CSMD1: variants seen among roughly 807,000 people sequenced by gnomAD.
The protein encoded by CSMD1 is CUB and sushi domain-containing protein 1.
In CSMD1, 213 loss-of-function variants were observed where a neutral mutation model predicts 417.5. The observed-to-expected ratio is 0.51, with a 90% CI of 0.46 to 0.57. The LOEUF is 0.57. CSMD1 is among the 20% of genes least tolerant of loss of function. CSMD1 has a pLI of 0.00. For synonymous variants in CSMD1, 2,862 were observed against 1,736.8 expected (o/e 1.65, Z -16.11); for missense variants, 6,923 against 4,529.7 (o/e 1.53, Z -15.17).
chr8:3,333,441 G>A (rs1354435163), intron 23 of CSMD1, among the ~76,000 whole-genome samples: 1 of 152,142 alleles, frequency 6.6e-6, no homozygotes, highest in Non-Finnish European at 1.5e-5. Flanking sequence ...ACTGCTTATT[G>A]GATATTTTCC....
At chr8:3,822,032 ATGCGG>A (rs1231419250) in intron 5 of CSMD1, among the ~76,000 whole-genome samples, 5 of 152,110 alleles carry the variant, frequency 3.3e-5, no homozygotes, top group Non-Finnish European at 7.4e-5. Flanking sequence ...TCAGAACACC[ATGCGG>A]TCTGACATCT....
intron 2 of CSMD1, among the ~76,000 whole-genome samples, chr8:4,615,583 C>T (rs1279574835): frequency 6.6e-6 from 1 of 152,098 alleles, no homozygotes; most frequent in Non-Finnish European, 1.5e-5. Flanking sequence ...TGAGGATAAA[C>T]ACTTCATTCA....
chr8:4,150,655 G>C (rs1249628892), intron 3 of CSMD1, among the ~76,000 whole-genome samples: 1 of 152,160 alleles, frequency 6.6e-6, no homozygotes, highest in Non-Finnish European at 1.5e-5. Context: ...TTTTCCAAAT[G>C]GTTAGGGTGC....
At chr8:3,203,067 C>A (rs925867253) in intron 31 of CSMD1, among the ~76,000 whole-genome samples, 7 of 152,128 alleles carry the variant, frequency 4.6e-5, no homozygotes, top group Non-Finnish European at 8.8e-5. Context: ...AAAAGTGAAT[C>A]ATCCACAGAT....
intron 52 of CSMD1, among the ~76,000 whole-genome samples, chr8:3,016,376 C>A (rs1203370553): frequency 1.3e-5 from 2 of 152,208 alleles, no homozygotes; most frequent in Non-Finnish European, 2.9e-5. Context: ...CTATTTTCCT[C>A]TGAGTCTCAC....
At chr8:4,139,982 G>C (rs1369076196) in intron 3 of CSMD1, among the ~76,000 whole-genome samples, 1 of 150,658 alleles carries the variant, frequency 6.6e-6, no homozygotes, top group Non-Finnish European at 1.5e-5. Flanking sequence ...ATGTGGGCAG[G>C]GGTTGCAGGT....
At chr8:3,347,388 C>T (rs947814574) in intron 22 of CSMD1, among the ~76,000 whole-genome samples, 12 of 152,154 alleles carry the variant, frequency 7.9e-5, no homozygotes, top group Non-Finnish European at 1.2e-4. Context: ...TGTCAATCAA[C>T]GCAGGACCTG....
chr8:4,629,407 G>T (rs980940307), intron 2 of CSMD1, among the ~76,000 whole-genome samples: 1 of 152,060 alleles, frequency 6.6e-6, no homozygotes, highest in Admixed American at 6.6e-5. Flanking sequence ...ATACTTACTG[G>T]CACAAATGTA....
intron 10 of CSMD1, among the ~76,000 whole-genome samples, chr8:3,507,348 G>A (rs535112128): frequency 1.7e-4 from 26 of 152,148 alleles, no homozygotes; most frequent in African/African-American, 6.0e-4. Flanking sequence ...CATTTTTTAT[G>A]GCAGCACAGT....
chr8:4,310,935 AT>A (rs1305787977), intron 3 of CSMD1, among the ~76,000 whole-genome samples: 1 of 152,206 alleles, frequency 6.6e-6, no homozygotes, highest in Non-Finnish European at 1.5e-5. Context: ...AGAAATGCAA[AT>A]CAAAACCTCA....
Position 4,319,478 on chromosome 8 carries a change from C to G in CSMD1, c.415+100475G>C, listed in dbSNP as rs973780333. Among the ~76,000 whole-genome samples, 3 of 151,994 alleles carry G rather than the reference C, an allele frequency of 2.0e-5. No homozygotes were observed. The East Asian group carries it at 5.8e-4, about 29-fold the overall frequency. ...ATAGCTACTCCTTCTTAAGGCTTTG[C>G]TAGGATAGCAGGGACCAGATTTACT... On this transcript the variant is annotated intron_variant, in intron 3 of 69. Transcript: ENST00000635120.
At chr8:3,466,213 T>C (rs1585205986) in intron 12 of CSMD1, among the ~76,000 whole-genome samples, 2 of 152,210 alleles carry the variant, frequency 1.3e-5, no homozygotes, top group South Asian at 4.2e-4. Flanking sequence ...GACTTTTTTT[T>C]TTAATGACGA....
At chr8:4,628,678 A>G (rs1289917876) in intron 2 of CSMD1, among the ~76,000 whole-genome samples, 1 of 151,692 alleles carries the variant, frequency 6.6e-6, no homozygotes, top group Non-Finnish European at 1.5e-5. Flanking sequence ...TTTCTGGATG[A>G]AGGCAGTATT....
chr8:4,846,443 T>A (rs1401208538), intron 1 of CSMD1, among the ~76,000 whole-genome samples: 1 of 152,198 alleles, frequency 6.6e-6, no homozygotes. Flanking sequence ...CCTTGAGGTT[T>A]TGGCAGCACG....
chr8:3,808,344 T>C (rs1174950253), intron 5 of CSMD1, among the ~76,000 whole-genome samples: 5 of 152,268 alleles, frequency 3.3e-5, no homozygotes, highest in Admixed American at 2.6e-4. Flanking sequence ...TTTCTGGAAA[T>C]GTTTGGGTCT....
intron 3 of CSMD1, among the ~76,000 whole-genome samples, chr8:4,337,484 G>C (rs527846860): frequency 7.9e-5 from 12 of 152,118 alleles, no homozygotes; most frequent in Admixed American, 4.6e-4. Context: ...TCTCTGCTTT[G>C]CTTTTTCTTA....
intron 3 of CSMD1, among the ~76,000 whole-genome samples, chr8:4,079,953 T>C (rs1446336798): frequency 1.4e-5 from 2 of 147,762 alleles, no homozygotes; most frequent in Non-Finnish European, 3.0e-5. Context: ...GTTGTAAAAA[T>C]AATATAAAAA....
chr8:3,443,515 G>C (rs548908363), intron 12 of CSMD1, among the ~76,000 whole-genome samples: 3 of 152,146 alleles, frequency 2.0e-5, no homozygotes, highest in Non-Finnish European at 4.4e-5. Flanking sequence ...TTTCTTAAAA[G>C]CAAGAATGAA....
At position 4,192,623 on chromosome 8, in the gene CSMD1, C is replaced by A. The variant is rs1295001114; in HGVS notation, c.416-160524G>T. Among the ~76,000 whole-genome samples, 4 of 152,212 alleles carry A rather than the reference C, an allele frequency of 2.6e-5. No homozygotes were observed. In the South Asian group the frequency reaches 6.2e-4, roughly 24 times the overall value. On this transcript the variant is annotated intron_variant, in intron 3 of 69. Transcript: ENST00000635120. Reference sequence around the variant, plus strand: ...ATAATGAGAACAGGTTGGGCCACAGCAGAGGGCATATTTGCTCAGGGATCA... The same window carrying A: ...ATAATGAGAACAGGTTGGGCCACAGAAGAGGGCATATTTGCTCAGGGATCA...
Sources: allele counts gnomAD v4.1 joint callset (sites outside exome capture counted in the v4.1 genomes callset), GRCh38; gene constraint gnomAD v4.1.1; transcripts MANE v1.5; gene names NCBI Gene and HGNC (gene_info 2026-07-23, HGNC 2026-07-21).